PDSS2: variants seen among roughly 807,000 people sequenced by gnomAD.
PDSS2 encodes the protein all trans-polyprenyl-diphosphate synthase PDSS2.
In PDSS2, 31 loss-of-function variants were observed where a neutral mutation model predicts 44.5. That is an observed-to-expected ratio of 0.70 (90% CI 0.52 to 0.94). The LOEUF (loss-of-function observed/expected upper bound fraction) is 0.94, where lower values mean the gene tolerates loss of function less well. PDSS2 is among the 40% of genes least tolerant of loss of function. The pLI, the probability that PDSS2 is intolerant of heterozygous loss-of-function variation, is 0.00. For synonymous variants in PDSS2, 157 were observed against 180.3 expected, an observed-to-expected ratio of 0.87 and a Z score of 1.03; for missense variants, 452 against 482.2, an observed-to-expected ratio of 0.94 and a Z score of 0.59.
At chr6:107,382,765 A>G (rs1779492348) in intron 1 of PDSS2, among the ~76,000 whole-genome samples, 2 of 152,022 alleles carry the variant, frequency 1.3e-5, no homozygotes, top group Admixed American at 6.5e-5. Flanking sequence ...TGAGCTTAGG[A>G]TGTCGAGGCT....
intron 2 of PDSS2, among the ~76,000 whole-genome samples, chr6:107,300,797 G>T (rs186989814): frequency 5.9e-5 from 9 of 152,212 alleles, no homozygotes; most frequent in African/African-American, 1.9e-4. Context: ...ACACACACAC[G>T]TGCATAAACA....
At chr6:107,407,827 G>A (rs1266373901) in intron 1 of PDSS2, among the ~76,000 whole-genome samples, 1 of 151,950 alleles carries the variant, frequency 6.6e-6, no homozygotes, top group East Asian at 1.9e-4. Flanking sequence ...AGCCTCCCAA[G>A]TAGGTGGGAT....
intron 2 of PDSS2, among the ~76,000 whole-genome samples, chr6:107,299,168 A>AAT (rs1474981448): frequency 6.7e-6 from 1 of 150,022 alleles, no homozygotes; most frequent in Non-Finnish European, 1.5e-5. Context: ...AAAAAAAAAA[A>AAT]AGAAACAAAC....
At chr6:107,455,469 A>G (rs1241015719) in intron 1 of PDSS2, among the ~76,000 whole-genome samples, 3 of 151,918 alleles carry the variant, frequency 2.0e-5, no homozygotes, top group Non-Finnish European at 4.4e-5. Context: ...AAACTAAGAA[A>G]TCTGGGCCAG....
At chr6:107,409,321 G>A (rs1780418472) in intron 1 of PDSS2, among the ~76,000 whole-genome samples, 1 of 151,926 alleles carries the variant, frequency 6.6e-6, no homozygotes, top group Admixed American at 6.6e-5. Flanking sequence ...ATATGGATCT[G>A]TAATTCTATA....
At chr6:107,329,190 GCAAA>G (rs1278224339) in intron 2 of PDSS2, among the ~76,000 whole-genome samples, 1 of 152,178 alleles carries the variant, frequency 6.6e-6, no homozygotes, top group Non-Finnish European at 1.5e-5. Context: ...AAGAATAAGA[GCAAA>G]CACTTACAGA....
intron 6 of PDSS2, among the ~76,000 whole-genome samples, chr6:107,201,390 CAAAAAAAAAAAA>C (rs747612959): frequency 5.8e-5 from 3 of 52,150 alleles, no homozygotes; most frequent in Admixed American, 2.6e-4. Context: ...CATACAAAAG[CAAAAAAAAAAAA>C]AAAAAAAAAA....
At chr6:107,310,858 A>C (rs956751370) in intron 2 of PDSS2, among the ~76,000 whole-genome samples, 2 of 152,114 alleles carry the variant, frequency 1.3e-5, no homozygotes, top group Admixed American at 6.5e-5. Flanking sequence ...TAGCTCCTAC[A>C]CATTAAACTC....
At chr6:107,197,272 T>A in intron 6 of PDSS2, among the ~76,000 whole-genome samples, 1 of 146,968 alleles carries the variant, frequency 6.8e-6, no homozygotes, top group African/African-American at 2.5e-5. Flanking sequence ...AAGGGGGGGG[T>A]GCAGTCTTGA....
intron 1 of PDSS2, among the ~76,000 whole-genome samples, chr6:107,347,427 G>T (rs1778287870): frequency 6.6e-6 from 1 of 151,868 alleles, no homozygotes; most frequent in Admixed American, 6.6e-5. Flanking sequence ...CTGCCATCAC[G>T]CCTGGCTAAC....
At chr6:107,237,820 C>T (rs1474391673) in intron 4 of PDSS2, among the ~76,000 whole-genome samples, 3 of 147,700 alleles carry the variant, frequency 2.0e-5, no homozygotes, top group South Asian at 4.4e-4. Flanking sequence ...CGCTTGAAGC[C>T]GGGAGGTGGA....
chr6:107,286,239 G>A (rs761248955), intron 2 of PDSS2, among the ~76,000 whole-genome samples: 1 of 152,124 alleles, frequency 6.6e-6, no homozygotes, highest in African/African-American at 2.4e-5. Flanking sequence ...TGGGCGCAGT[G>A]GCTAACGCCT....
At chr6:107,399,924 C>T (rs1471694662) in intron 1 of PDSS2, among the ~76,000 whole-genome samples, 1 of 151,988 alleles carries the variant, frequency 6.6e-6, no homozygotes, top group Non-Finnish European at 1.5e-5. Context: ...GAGATTCATA[C>T]TGTGAACTTT....
At chr6:107,446,348 A>G (rs1427687187) in intron 1 of PDSS2, among the ~76,000 whole-genome samples, 1 of 152,114 alleles carries the variant, frequency 6.6e-6, no homozygotes, top group Non-Finnish European at 1.5e-5. Flanking sequence ...AATTACAGAC[A>G]AACACAAAGT....
chr6:107,412,955 C>T (rs1583053729), intron 1 of PDSS2, among the ~76,000 whole-genome samples: 1 of 152,198 alleles, frequency 6.6e-6, no homozygotes, highest in East Asian at 1.9e-4. Context: ...TTACCATATC[C>T]TAGGTTGTTA....
chr6:107,326,561 T>C (rs993190379), intron 2 of PDSS2, among the ~76,000 whole-genome samples: 10 of 151,858 alleles, frequency 6.6e-5, no homozygotes, highest in African/African-American at 2.2e-4. Context: ...AAGATAAAAA[T>C]AGTTGTTTTG....
intron 2 of PDSS2, among the ~76,000 whole-genome samples, chr6:107,278,568 C>T (rs960166915): frequency 3.9e-5 from 6 of 152,156 alleles, no homozygotes; most frequent in Admixed American, 6.5e-5. Flanking sequence ...ACAAGTTTTT[C>T]ATGCAGTTCA....
At chr6:107,316,302 T>C (rs1648344326) in intron 2 of PDSS2, among the ~76,000 whole-genome samples, 1 of 152,210 alleles carries the variant, frequency 6.6e-6, no homozygotes, top group African/African-American at 2.4e-5. Flanking sequence ...ATTTTTCTGG[T>C]ATCTTATATG....
At chr6:107,325,436 C>T (rs558334494) in intron 2 of PDSS2, among the ~76,000 whole-genome samples, 2 of 151,992 alleles carry the variant, frequency 1.3e-5, no homozygotes, top group African/African-American at 4.8e-5. Flanking sequence ...TTGAATACAC[C>T]GAGTAGAGTG....
Sources: allele counts gnomAD v4.1 joint callset (sites outside exome capture counted in the v4.1 genomes callset), GRCh38; gene constraint gnomAD v4.1.1; transcripts MANE v1.5; gene names NCBI Gene and HGNC (gene_info 2026-07-23, HGNC 2026-07-21).